AKAP6: variants seen among roughly 807,000 people sequenced by gnomAD.
AKAP6 encodes A-kinase anchor protein 6.
AKAP6 carries 58 observed loss-of-function variants against 188.5 expected under a neutral mutation model. The ratio of observed to expected loss-of-function variants is 0.31; its 90% confidence interval spans 0.25 to 0.38. The LOEUF (loss-of-function observed/expected upper bound fraction) is 0.38, where lower values mean the gene tolerates loss of function less well. AKAP6 is among the 10% of genes least tolerant of loss of function. AKAP6 has a pLI of 1.00. For missense variants in AKAP6, 2,710 were observed against 2,740.0 expected, an observed-to-expected ratio of 0.99 and a Z score of 0.24; for synonymous variants, 989 against 998.6, an observed-to-expected ratio of 0.99 and a Z score of 0.18.
chr14:32,784,059 TTTAA>T (rs1167803734), intron 12 of AKAP6, among the ~76,000 whole-genome samples: 1 of 152,158 alleles, frequency 6.6e-6, no homozygotes, highest in Non-Finnish European at 1.5e-5. Flanking sequence ...ATGGAGAAGT[TTTAA>T]TTGTCAAAAA....
intron 10 of AKAP6, among the ~76,000 whole-genome samples, 178 bp from the exon 11 acceptor site, chr14:32,735,479 CT>C (rs1566675523): frequency 1.3e-5 from 2 of 152,120 alleles, no homozygotes; most frequent in Non-Finnish European, 2.9e-5. Context: ...CTAATCTGAA[CT>C]GAATGTCAGT....
At chr14:32,602,193 C>T (rs1885954329) in intron 7 of AKAP6, among the ~76,000 whole-genome samples, 1 of 152,082 alleles carries the variant, frequency 6.6e-6, no homozygotes, top group African/African-American at 2.4e-5. Flanking sequence ...AATGCTTTGG[C>T]TGTGTGTGGA....
At chr14:32,380,136 T>C (rs538587973) in intron 1 of AKAP6, among the ~76,000 whole-genome samples, 2 of 152,350 alleles carry the variant, frequency 1.3e-5, no homozygotes, top group East Asian at 1.9e-4. Context: ...CTGATTTGAA[T>C]CTCTAGCTCC....
At chr14:32,502,257 G>A (rs1566542168) in intron 2 of AKAP6, among the ~76,000 whole-genome samples, 2 of 152,216 alleles carry the variant, frequency 1.3e-5, no homozygotes, top group South Asian at 2.1e-4. Flanking sequence ...TTAAATGAAA[G>A]GAGATATTTT....
chr14:32,684,152 C>A (rs957928492), intron 8 of AKAP6, among the ~76,000 whole-genome samples: 1 of 151,896 alleles, frequency 6.6e-6, no homozygotes, highest in African/African-American at 2.4e-5. Context: ...AACTGGAGCT[C>A]AGAAATGTTT....
At position 32,836,742 on chromosome 14, in the gene AKAP6, ACT is replaced by A. The variant is rs965887714; in HGVS notation, c.*6942_*6943del. The A allele has an allele frequency of 5.3e-5, 8 of 152,028 alleles. No homozygotes were observed. Among genetic ancestry groups the A allele is most frequent in the African/African-American group, 1.9e-4 (8 of 41,388 alleles). The allele number at this position is 152,028 out of a possible 1,614,324, so 9.4% of individuals were successfully genotyped here. ...AAGAGCCACTGCTATTGAGGCTTGC[ACT>A]CTCTTGCTTGAAATGAGGTGCTCCC... is the stretch of plus-strand genomic sequence containing the variant. On this transcript the variant is annotated 3_prime_UTR_variant, in exon 14 of 14. Coordinates refer to ENST00000280979, the MANE Select transcript of AKAP6 (RefSeq NM_004274.5).
intron 1 of AKAP6, among the ~76,000 whole-genome samples, chr14:32,398,246 G>A (rs943696060): frequency 6.6e-6 from 1 of 152,208 alleles, no homozygotes; most frequent in African/African-American, 2.4e-5. Flanking sequence ...ATGCAGTGAG[G>A]CTCTGCCTCT....
intron 2 of AKAP6, among the ~76,000 whole-genome samples, chr14:32,445,248 T>C (rs1433358336): frequency 6.6e-6 from 1 of 152,188 alleles, no homozygotes; most frequent in African/African-American, 2.4e-5. Context: ...AATTACCTTA[T>C]TCTTTACCCC....
intron 5 of AKAP6, among the ~76,000 whole-genome samples, chr14:32,582,247 C>T (rs893144958): frequency 1.3e-5 from 2 of 152,122 alleles, no homozygotes; most frequent in Non-Finnish European, 2.9e-5. Context: ...TTTTCCTTCA[C>T]TTATGAAGCT....
intron 5 of AKAP6, among the ~76,000 whole-genome samples, chr14:32,595,171 A>G (rs1885642409): frequency 6.6e-6 from 1 of 152,004 alleles, no homozygotes; most frequent in South Asian, 2.1e-4. Flanking sequence ...AAAAATCAAC[A>G]CTATATGCAA....
chr14:32,758,518 G>A (rs1367868434), intron 11 of AKAP6, among the ~76,000 whole-genome samples: 1 of 152,214 alleles, frequency 6.6e-6, no homozygotes, highest in East Asian at 1.9e-4. Flanking sequence ...CAGATCACCT[G>A]AGGTCAGGAG....
intron 1 of AKAP6, among the ~76,000 whole-genome samples, chr14:32,374,570 A>G (rs2138529594): frequency 6.6e-6 from 1 of 152,268 alleles, no homozygotes; most frequent in East Asian, 1.9e-4. Flanking sequence ...CAAGTTGTGA[A>G]GGGCCTACTT....
chr14:32,572,157 G>T (rs1025910913), intron 4 of AKAP6, among the ~76,000 whole-genome samples: 1 of 152,178 alleles, frequency 6.6e-6, no homozygotes, highest in Non-Finnish European at 1.5e-5. Flanking sequence ...GTGTGGTACA[G>T]TGGGAGGAAT....
At chr14:32,774,469 C>T (rs1392318224) in intron 12 of AKAP6, among the ~76,000 whole-genome samples, 1 of 152,160 alleles carries the variant, frequency 6.6e-6, no homozygotes, top group Non-Finnish European at 1.5e-5. Flanking sequence ...CAAGTTTCCT[C>T]TTAGAGTTTT....
chr14:32,778,632 G>A (rs897977324), intron 12 of AKAP6, among the ~76,000 whole-genome samples: 1 of 151,898 alleles, frequency 6.6e-6, no homozygotes, highest in Non-Finnish European at 1.5e-5. Flanking sequence ...CTGTAGCCTT[G>A]ACCTCCTGGG....
intron 11 of AKAP6, among the ~76,000 whole-genome samples, chr14:32,745,489 CTCTCTCTG>C (rs1428747328): frequency 1.1e-4 from 13 of 117,320 alleles, no homozygotes; most frequent in African/African-American, 1.4e-4. Context: ...CTCTCTCTCT[CTCTCTCTG>C]TCTCTCTCTC....
At chr14:32,465,340 A>G (rs968891300) in intron 2 of AKAP6, among the ~76,000 whole-genome samples, 5 of 150,532 alleles carry the variant, frequency 3.3e-5, no homozygotes, top group Admixed American at 2.0e-4. Context: ...TTCAAACTAT[A>G]CTACAAGGGT....
At chr14:32,631,397 T>C (rs1176916156) in intron 7 of AKAP6, among the ~76,000 whole-genome samples, 1 of 152,080 alleles carries the variant, frequency 6.6e-6, no homozygotes, top group African/African-American at 2.4e-5. Context: ...GATTTCCTGA[T>C]TGGATTTCAT....
At chr14:32,527,611 T>G (rs1882199098) in intron 2 of AKAP6, among the ~76,000 whole-genome samples, 1 of 152,240 alleles carries the variant, frequency 6.6e-6, no homozygotes, top group South Asian at 2.1e-4. Flanking sequence ...TTGTCAATAT[T>G]CTGAATTTTG....
Sources: gnomAD v4.1 joint callset for allele counts (sites outside exome capture counted in the v4.1 genomes callset) on GRCh38, gnomAD v4.1.1 for gene constraint, MANE v1.5 for transcripts, NCBI Gene and HGNC (gene_info 2026-07-23, HGNC 2026-07-21) for gene names.